The following IGSF21 variants were observed in gnomAD, a reference collection of about 807,000 sequenced individuals.
IGSF21 encodes the protein immunoglobulin superfamily member 21.
Under a neutral mutation model 46.8 loss-of-function variants are expected in IGSF21, and 28 were observed. The ratio of observed to expected loss-of-function variants is 0.60; its 90% confidence interval spans 0.44 to 0.82. The LOEUF is 0.82. IGSF21 is among the 40% of genes least tolerant of loss of function. The probability of loss-of-function intolerance (pLI) is 0.00; values close to 1 mark genes in which losing one functional copy is unlikely to be tolerated. For missense variants in IGSF21, 624 were observed against 665.5 expected, an observed-to-expected ratio of 0.94 and a Z score of 0.69; for synonymous variants, 284 against 273.6, an observed-to-expected ratio of 1.04 and a Z score of -0.38.
At chr1:18,151,906 G>A (rs2086524963) in intron 1 of IGSF21, among the ~76,000 whole-genome samples, 1 of 152,164 alleles carries the variant, frequency 6.6e-6, no homozygotes. Context: ...GGTCACTAAT[G>A]ATTATCCTCT....
At chr1:18,178,416 TA>T (rs145963219) in intron 1 of IGSF21, among the ~76,000 whole-genome samples, 10,184 of 152,216 alleles carry the variant, frequency 0.067, 376 homozygotes, top group South Asian at 0.13. Flanking sequence ...CTTACCATAA[TA>T]ACCATGTGAT....
At chr1:18,185,732 G>A (rs111936733) in intron 1 of IGSF21, among the ~76,000 whole-genome samples, 56 of 152,116 alleles carry the variant, frequency 3.7e-4, no homozygotes, top group Non-Finnish European at 7.2e-4. Context: ...GGAAAAACAG[G>A]GATGATAATA....
intron 1 of IGSF21, among the ~76,000 whole-genome samples, chr1:18,123,906 G>A (rs1176622035): frequency 2.0e-5 from 3 of 152,178 alleles, no homozygotes; most frequent in African/African-American, 7.2e-5. Context: ...TAGGCCCCCT[G>A]GCCCACTGGC....
At position 18,285,914 on chromosome 1, in the gene IGSF21, C is replaced by A. The variant is rs1306231289; in HGVS notation, c.184-5952C>A. ...TGTTATTCCCGTCATGCTATTATTACCGCATGCCAAGCAATCCCCTGGGCT... is the reference window on the plus strand; with the variant it reads ...TGTTATTCCCGTCATGCTATTATTAACGCATGCCAAGCAATCCCCTGGGCT... On this transcript the variant is annotated intron_variant, in intron 2 of 9. Coordinates refer to ENST00000251296, the MANE Select transcript of IGSF21 (RefSeq NM_032880.5). Among the ~76,000 whole-genome samples the A allele has an allele frequency of 2.6e-5, 4 of 152,176 alleles. No individual in the cohort carries two copies. In the East Asian group the frequency reaches 7.7e-4, roughly 29 times the overall value.
At chr1:18,212,841 C>T (rs1195070146) in intron 1 of IGSF21, among the ~76,000 whole-genome samples, 2 of 123,986 alleles carry the variant, frequency 1.6e-5, no homozygotes, top group Non-Finnish European at 3.7e-5. Context: ...AGGATTGACC[C>T]AGGGTTAAGA....
In IGSF21 at chr1:18,187,661, A is replaced by G. The variant is rs560551786; in HGVS notation, c.71-40237A>G. ...AATTCAAGATGAGATTTAGGTGGGG[A>G]CACAGCCAAACCATATCAGGCACCA... On this transcript the variant is annotated intron_variant, in intron 1 of 9. Transcript: ENST00000251296. Among the ~76,000 whole-genome samples the G allele has an allele frequency of 2.6e-5, 4 of 152,286 alleles. No individual in the cohort carries two copies. The East Asian group carries it at 7.7e-4, about 29-fold the overall frequency.
intron 3 of IGSF21, among the ~76,000 whole-genome samples, chr1:18,297,135 C>G (rs756095663): frequency 6.6e-6 from 1 of 152,128 alleles, no homozygotes; most frequent in Non-Finnish European, 1.5e-5. Context: ...ACTGGAAGCC[C>G]CATGAGGACA....
intron 1 of IGSF21, among the ~76,000 whole-genome samples, chr1:18,197,932 C>A (rs1410508386): frequency 6.6e-6 from 1 of 152,128 alleles, no homozygotes; most frequent in Non-Finnish European, 1.5e-5. Context: ...CCAGTGGATT[C>A]TTGGAAAGGT....
intron 1 of IGSF21, among the ~76,000 whole-genome samples, chr1:18,214,619 G>A (rs113218766): frequency 4.5e-4 from 68 of 152,192 alleles, no homozygotes; most frequent in African/African-American, 1.5e-3. Flanking sequence ...GCATGGTTGG[G>A]GAGGCCTTGG....
intron 1 of IGSF21, among the ~76,000 whole-genome samples, chr1:18,225,129 A>ACACACACACACACACAC (rs1491338920): frequency 8.3e-5 from 12 of 143,796 alleles, no homozygotes; most frequent in Non-Finnish European, 1.4e-4. Context: ...ACACACACAC[A>ACACACACACACACACAC]AAGAAATCAT....
At chr1:18,306,301 T>A (rs972159685) in intron 3 of IGSF21, among the ~76,000 whole-genome samples, 2 of 152,226 alleles carry the variant, frequency 1.3e-5, no homozygotes, top group Admixed American at 1.3e-4. Context: ...ATGCTTTTTC[T>A]CTGCCAGATA....
intron 1 of IGSF21, among the ~76,000 whole-genome samples, chr1:18,149,390 T>C (rs2086500433): frequency 6.6e-6 from 1 of 151,990 alleles, no homozygotes; most frequent in Non-Finnish European, 1.5e-5. Flanking sequence ...AGGGAGGGGG[T>C]GGCCATCCCG....
chr1:18,156,901 G>A (rs12060003), intron 1 of IGSF21, among the ~76,000 whole-genome samples: 139 of 152,312 alleles, frequency 9.1e-4, no homozygotes, highest in African/African-American at 3.0e-3. Flanking sequence ...GAGGTAGGTG[G>A]ATCACCTGAG....
chr1:18,185,187 G>T (rs945311041), intron 1 of IGSF21, among the ~76,000 whole-genome samples: 1 of 152,124 alleles, frequency 6.6e-6, no homozygotes, highest in Non-Finnish European at 1.5e-5. Context: ...GGCTCAGCCT[G>T]GCAGAAAGGG....
chr1:18,322,865 G>C lies in IGSF21; in HGVS notation c.306-12027G>C, dbSNP rs1299166281. ...AGAGGAAGCCGGTGGAGAAGAGCGG[G>C]AGATGTCGGAATGGGTGAAGGGGAG... On this transcript the variant is annotated intron_variant, in intron 3 of 9. Coordinates refer to ENST00000251296, the MANE Select transcript of IGSF21 (RefSeq NM_032880.5). This position sits in a 1 kb window ranked among gnomAD's most constrained non-coding sequence, Gnocchi z 4.3. Among the ~76,000 whole-genome samples, 1 of 152,188 alleles carries C rather than the reference G, an allele frequency of 6.6e-6. No individual in the cohort carries two copies. Among genetic ancestry groups the C allele is most frequent in the Non-Finnish European group, 1.5e-5 (1 of 68,032 alleles).
chr1:18,229,179 A>G (rs1316864487), intron 2 of IGSF21, among the ~76,000 whole-genome samples: 1 of 152,160 alleles, frequency 6.6e-6, no homozygotes, highest in Admixed American at 6.5e-5. Flanking sequence ...TGGATAGCAC[A>G]GTTAGGTGGA....
chr1:18,118,053 T>G (rs1294504693), intron 1 of IGSF21, among the ~76,000 whole-genome samples: 1 of 152,158 alleles, frequency 6.6e-6, no homozygotes, highest in Non-Finnish European at 1.5e-5. Flanking sequence ...TGGCAGCACT[T>G]CAGTAGGGAG....
In IGSF21 at chr1:18,272,605, G is replaced by A. The variant is rs141399658; in HGVS notation, c.184-19261G>A. Among the ~76,000 whole-genome samples, 724 of 152,330 alleles carry A rather than the reference G, an allele frequency of 4.8e-3. 5 individuals carry two copies. Among genetic ancestry groups the A allele is most frequent in the African/African-American group, 0.016 (659 of 41,562 alleles). ...CTGAAGATCCATCACCCATGTGACC[G>A]CGACAGCCCCTTCTTCCATTTTCCA... On this transcript the variant is annotated intron_variant, in intron 2 of 9. Transcript: ENST00000251296.
At chr1:18,303,851 C>T (rs1002307153) in intron 3 of IGSF21, among the ~76,000 whole-genome samples, 1 of 152,080 alleles carries the variant, frequency 6.6e-6, no homozygotes, top group Non-Finnish European at 1.5e-5. Context: ...ACACAGGCAT[C>T]CATGTATTAA....
Sources: allele counts gnomAD v4.1 joint callset (sites outside exome capture counted in the v4.1 genomes callset), GRCh38; gene constraint gnomAD v4.1.1; non-coding constraint Gnocchi (gnomAD v3.1); transcripts MANE v1.5; gene names NCBI Gene and HGNC (gene_info 2026-07-23, HGNC 2026-07-21).